The following PPP2R3C variants were observed in gnomAD, a reference collection of about 807,000 sequenced individuals.
PPP2R3C encodes protein phosphatase 2 regulatory subunit B''gamma, also known as serine/threonine-protein phosphatase 2A regulatory subunit B'' subunit gamma.
In PPP2R3C, 47 loss-of-function variants were observed where a neutral mutation model predicts 63.7. The observed-to-expected ratio is 0.74, with a 90% CI of 0.58 to 0.94. The LOEUF is 0.94. PPP2R3C is among the 40% of genes least tolerant of loss of function. The pLI is 0.00. For synonymous variants in PPP2R3C, 180 were observed against 177.4 expected, an observed-to-expected ratio of 1.01 and a Z score of -0.12; for missense variants, 421 against 518.4, an observed-to-expected ratio of 0.81 and a Z score of 1.82.
At chr14:35,114,540 T>C (rs2046653349) in intron 2 of PPP2R3C, among the ~76,000 whole-genome samples, 1 of 152,198 alleles carries the variant, frequency 6.6e-6, no homozygotes, top group Non-Finnish European at 1.5e-5. Context: ...TAGAAGGTAA[T>C]AGGTTCAAGG....
rs192873712 is a variant in PPP2R3C, at chr14:35,094,932, C to T, written c.975+116G>A. 2.5e-4 allele frequency: 285 copies of T among 1,131,786 alleles called. 4 individuals are homozygous for T. In the East Asian group the frequency reaches 2.7e-3, roughly 11 times the overall value. The allele number at this position is 1,131,786 out of a possible 1,614,324, so 70.1% of individuals were successfully genotyped here. On this transcript the variant is annotated intron_variant, in intron 10 of 12. Transcript: ENST00000261475. ...TCACACCACTGCACTCTAGCCTAGGCGACAGAGCAAGACTCTGTCTCAAAA... is the reference window on the plus strand; with the variant it reads ...TCACACCACTGCACTCTAGCCTAGGTGACAGAGCAAGACTCTGTCTCAAAA...
At position 35,110,583 on chromosome 14, in the gene PPP2R3C, G is replaced by C. The variant is rs766790982; in HGVS notation, c.233C>G (p.Ser78Ter). The change falls in exon 3 of 13, where the codon TCA becomes TGA. Residue 78 changes from serine to a stop codon, truncating the protein, a stop_gained. Transcript: ENST00000261475. LOFTEE classifies it high-confidence loss of function. Reference protein sequence around the residue: ...EVLLQKLREESRAVFLQRKSR... With the variant: ...EVLLQKLREE ...TTTTCTTTGTAGAAAGACAGCTCTTGATTCCTCTCTTAATTTCTGTAGTAA... is the reference window on the plus strand; with the variant it reads ...TTTTCTTTGTAGAAAGACAGCTCTTCATTCCTCTCTTAATTTCTGTAGTAA... 6.2e-7 allele frequency: 1 copy of C among 1,612,420 alleles called. No homozygotes were observed. Among genetic ancestry groups the C allele is most frequent in the East Asian group, 2.2e-5 (1 of 44,830 alleles).
intron 3 of PPP2R3C, 92 bp from the exon 4 acceptor site, chr14:35,110,023 GT>G: frequency 1.3e-6 from 1 of 754,612 alleles, no homozygotes; most frequent in Non-Finnish European, 2.1e-6. Flanking sequence ...TAAAATGAGA[GT>G]TTGTTGGCAG....
At chr14:35,122,085 G>C (rs2046924835), upstream of PPP2R3C, 4 of 959,540 alleles carry the variant, frequency 4.2e-6, no homozygotes, top group Non-Finnish European at 6.5e-6. Flanking sequence ...CATCTTGATC[G>C]AGGGCGGAAG....
At chr14:35,087,322 A>G (rs1168854775) in intron 12 of PPP2R3C, 1 of 152,206 alleles carries the variant, frequency 6.6e-6, no homozygotes, top group African/African-American at 2.4e-5. Context: ...TAGCATACTA[A>G]AACAGTTTCC....
At chr14:35,092,234 A>G (rs11850487) in intron 10 of PPP2R3C, among the ~76,000 whole-genome samples, 27,126 of 151,450 alleles carry the variant, frequency 0.18, 2,575 homozygotes, top group Middle Eastern at 0.26. Flanking sequence ...ACACTTGGCT[A>G]ATTTTTTAAA....
At chr14:35,107,820 A>G (rs372923222) in intron 5 of PPP2R3C, 1 of 278,294 alleles carries the variant, frequency 3.6e-6, no homozygotes, top group East Asian at 5.5e-5. Context: ...TGAAACTATC[A>G]GTCAACTCAA....
At position 35,110,632 on chromosome 14, in the gene PPP2R3C, G is replaced by A. The variant is rs1239299515; in HGVS notation, c.187-3C>T. ...AAGACTTCATCTTCAGCAGGCAGCT[G>A]AAAATACAAGGTAAATTTCTACATG... On this transcript the variant is annotated splice_region_variant and splice_polypyrimidine_tract_variant and intron_variant, in intron 2 of 12. Coordinates refer to ENST00000261475, the MANE Select transcript of PPP2R3C (RefSeq NM_017917.4). The A allele has an allele frequency of 3.8e-6, 6 of 1,591,386 alleles. No homozygotes were observed. The highest frequency in any genetic ancestry group is 1.7e-5 in the Admixed American group (1 of 58,980).
chr14:35,116,612 T>C lies in PPP2R3C; in HGVS notation c.184A>G (p.Arg62Gly). 6.3e-7 allele frequency: 1 copy of C among 1,588,928 alleles called. No individual in the cohort carries two copies. The highest frequency in any genetic ancestry group is 1.1e-5 in the South Asian group (1 of 87,778). Residue 62 changes from arginine to glycine, a missense_variant and splice_region_variant, in exon 2 of 13, where the codon AGG (arginine) becomes GGG (glycine). Physicochemically the swap from Arg to Gly is moderately radical, Grantham distance 125. Transcript: ENST00000261475. ...FYKTIPRFYYRLPAEDEVLLQ... is the reference protein window; with the variant it reads ...FYKTIPRFYYGLPAEDEVLLQ... ...ACATTTGATTAGACACTACTTACCC[T>C]ATAATAAAACCGGGGAATGGTCTTA...
At chr14:35,099,514 G>T in intron 6 of PPP2R3C, 130 bp from the exon 7 acceptor site, 1 of 1,154,086 alleles carries the variant, frequency 8.7e-7, no homozygotes, top group Non-Finnish European at 1.2e-6. Flanking sequence ...TATTTTAGTG[G>T]TAAAACTATT....
rs762833148 is a variant in PPP2R3C at position 35,091,138 on chromosome 14, T to C, written c.1045A>G (p.Ile349Val). 2.0e-5 allele frequency: 32 copies of C among 1,608,524 alleles called. 1 individual carries two copies. The highest frequency in any genetic ancestry group is 2.7e-5 in the Non-Finnish European group (32 of 1,176,242). ...TTCTCAATATCAAGCAGTTTGAAAA[T>C]ATATTGTAGAGCTGCAGGTTCCTTT... is the stretch of plus-strand genomic sequence containing the variant. ...NRKEPAALQYIFKLLDIENKG... is the reference protein window; with the variant it reads ...NRKEPAALQYVFKLLDIENKG... Residue 349 changes from isoleucine to valine, a missense_variant, in exon 11 of 13, where the codon ATT becomes GTT. Coordinates refer to ENST00000261475, the MANE Select transcript of PPP2R3C (RefSeq NM_017917.4).
At chr14:35,099,173 C>G (rs1254265811) in intron 7 of PPP2R3C, 79 bp downstream of exon 7, 1 of 1,380,630 alleles carries the variant, frequency 7.2e-7, no homozygotes, top group Non-Finnish European at 9.4e-7. Flanking sequence ...TGATATTTTT[C>G]AAGAGTTTTC....
chr14:35,086,018 C>G (rs1315178837), intron 12 of PPP2R3C: 1 of 424,878 alleles, frequency 2.4e-6, no homozygotes, highest in Non-Finnish European at 4.2e-6. Flanking sequence ...TATGTGATAG[C>G]TATCCTTCGT....
chr14:35,091,538 T>C (rs1408720681), intron 10 of PPP2R3C, among the ~76,000 whole-genome samples: 1 of 151,982 alleles, frequency 6.6e-6, no homozygotes, highest in Non-Finnish European at 1.5e-5. Flanking sequence ...TGGCTAATTC[T>C]GTATTTTTAG....
intron 10 of PPP2R3C, among the ~76,000 whole-genome samples, chr14:35,093,586 AC>A (rs147591920): frequency 6.6e-6 from 1 of 151,480 alleles, no homozygotes; most frequent in Non-Finnish European, 1.5e-5. Context: ...TAAATGTAAG[AC>A]CCCCCCATTC....
chr14:35,100,218 G>T (rs1398619704), intron 6 of PPP2R3C: 2 of 152,038 alleles, frequency 1.3e-5, no homozygotes, highest in Non-Finnish European at 2.9e-5. Flanking sequence ...TCTCTATTGG[G>T]ACATTTAGTT....
intron 10 of PPP2R3C, among the ~76,000 whole-genome samples, chr14:35,094,090 A>C (rs1021061811): frequency 3.9e-5 from 6 of 152,246 alleles, no homozygotes; most frequent in African/African-American, 1.4e-4. Flanking sequence ...TCAGAATTAA[A>C]TCATGGCATA....
rs1566411571 is a variant in PPP2R3C at position 35,099,397 on chromosome 14, CAAAA to C, written c.574-17_574-14del. The C allele has an allele frequency of 3.2e-6, 5 of 1,585,426 alleles. No homozygotes were observed. The highest frequency in any genetic ancestry group is 4.3e-6 in the Non-Finnish European group (5 of 1,173,472). ...AGTTTTCTAAATCCTGAAAATAAAA[CAAAA>C]TAAAGTGTTAAATGTCCAGTCTTGA... On this transcript the variant is annotated splice_polypyrimidine_tract_variant and intron_variant, in intron 6 of 12. Coordinates refer to ENST00000261475, the MANE Select transcript of PPP2R3C (RefSeq NM_017917.4).
intron 3 of PPP2R3C, 126 bp from the exon 4 acceptor site, chr14:35,110,057 A>C: frequency 2.7e-4 from 177 of 662,070 alleles, no homozygotes; most frequent in East Asian, 4.3e-4. Flanking sequence ...GATGAATCTC[A>C]TGCCCTATTA....
Sources: gnomAD v4.1 joint callset for allele counts (sites outside exome capture counted in the v4.1 genomes callset) on GRCh38, gnomAD v4.1.1 for gene constraint, MANE v1.5 for transcripts, NCBI Gene and HGNC (gene_info 2026-07-23, HGNC 2026-07-21) for gene names.